FSD1L: variants seen among roughly 807,000 people sequenced by gnomAD.
FSD1L encodes FSD1-like protein.
Under a neutral mutation model 71.6 loss-of-function variants are expected in FSD1L, and 45 were observed. That is an observed-to-expected ratio of 0.63 (90% confidence interval 0.49 to 0.81). The LOEUF is 0.81. FSD1L is among the 30% of genes least tolerant of loss of function. The pLI is 0.00. For missense variants in FSD1L, 561 were observed against 618.1 expected (o/e 0.91, Z 0.98); for synonymous variants, 197 against 207.2 (o/e 0.95, Z 0.42).
intron 10 of FSD1L, chr9:105,521,966 A>G: frequency 6.2e-7 from 1 of 1,612,998 alleles, no homozygotes; most frequent in South Asian, 1.1e-5. Flanking sequence ...TGGTTGTACA[A>G]GTATCAATGG....
chr9:105,499,297 T>C (rs527345237), intron 7 of FSD1L, among the ~76,000 whole-genome samples: 1 of 152,336 alleles, frequency 6.6e-6, no homozygotes, highest in East Asian at 1.9e-4. Flanking sequence ...AAATAAATAG[T>C]TGCCCTTATT....
chr9:105,490,201 C>G (rs1023600344), intron 7 of FSD1L, among the ~76,000 whole-genome samples: 7 of 152,196 alleles, frequency 4.6e-5, no homozygotes, highest in African/African-American at 1.2e-4. Flanking sequence ...GCCATTCTAA[C>G]TGGTGTGAGA....
chr9:105,500,404 T>G (rs2131334400), intron 7 of FSD1L, among the ~76,000 whole-genome samples: 1 of 152,284 alleles, frequency 6.6e-6, no homozygotes, highest in South Asian at 2.1e-4. Context: ...GATTTTTCGG[T>G]GGAACAGGAT....
intron 13 of FSD1L, among the ~76,000 whole-genome samples, chr9:105,541,978 T>C (rs577215584): frequency 3.8e-4 from 58 of 152,344 alleles, no homozygotes; most frequent in African/African-American, 1.4e-3. Context: ...TGCTGAGTAG[T>C]GTTTCATATA....
intron 7 of FSD1L, among the ~76,000 whole-genome samples, chr9:105,489,399 T>A (rs1025949199): frequency 2.0e-5 from 3 of 152,124 alleles, no homozygotes; most frequent in Admixed American, 6.5e-5. Context: ...ACAAATTATA[T>A]TTAAAGAAAT....
intron 13 of FSD1L, among the ~76,000 whole-genome samples, 160 bp downstream of exon 13, chr9:105,539,511 T>A (rs1307821746): frequency 6.6e-6 from 1 of 152,172 alleles, no homozygotes; most frequent in African/African-American, 2.4e-5. Context: ...AATCTGTGAT[T>A]GTTTTTATAT....
intron 6 of FSD1L, among the ~76,000 whole-genome samples, chr9:105,482,508 A>G (rs1272338909): frequency 1.3e-5 from 2 of 152,254 alleles, no homozygotes; most frequent in Non-Finnish European, 2.9e-5. Flanking sequence ...TGAACTAAGA[A>G]AATCAAGGGG....
Position 105,539,314 on chromosome 9 carries a change from A to G in FSD1L, c.1430A>G (p.Lys477Arg). ...TCTAAACAGTTGCTATATTCCTTTA[A>G]GACAAAATTTACTCAGCCAGTACTA... Reference protein sequence around the residue: ...ANSKQLLYSFKTKFTQPVLPG... With the variant: ...ANSKQLLYSFRTKFTQPVLPG... The change falls in exon 13 of 14, where the codon AAG becomes AGG. Residue 477 changes from lysine (K) to arginine (R), a missense_variant. Coordinates refer to ENST00000481272, the MANE Select transcript of FSD1L (RefSeq NM_001145313.3). The G allele has an allele frequency of 6.6e-7, 1 of 1,508,368 alleles. No individual in the cohort carries two copies. The highest frequency in any genetic ancestry group is 1.2e-5 in the South Asian group (1 of 80,244). 93.4% of individuals were successfully genotyped at this position (1,508,368 alleles called of 1,614,324 possible).
the FSD1L span, among the ~76,000 whole-genome samples, chr9:105,442,739 TC>T: frequency 6.6e-6 from 1 of 151,946 alleles, no homozygotes; most frequent in South Asian, 2.1e-4. Context: ...AGTGCCTGAA[TC>T]CCCCTATGAA....
rs60907043 is a variant in FSD1L, at chr9:105,502,884, ATT to A, written c.587-3498_587-3497del. On this transcript the variant is annotated intron_variant, in intron 7 of 13. Coordinates refer to ENST00000481272, the MANE Select transcript of FSD1L (RefSeq NM_001145313.3). ...CGTCCAGAAGGAAAACTGTAATAAG[ATT>A]TTTTTTTTTTTTTTTTGAGACAAGG... 9.1e-4 allele frequency among the ~76,000 whole-genome samples: 123 copies of A among 135,092 alleles called. 1 individual carries two copies. The highest frequency in any genetic ancestry group is 1.7e-3 in the African/African-American group (62 of 36,532). The allele number at this position is 135,092 out of a possible 152,430, so 88.6% of individuals were successfully genotyped here.
intron 10 of FSD1L, chr9:105,520,085 C>T (rs1835033522): frequency 5.1e-6 from 8 of 1,569,138 alleles, no homozygotes; most frequent in East Asian, 2.3e-5. Context: ...CGCTGGGAGC[C>T]GGCTGTGGCA....
At chr9:105,486,879 A>G (rs187281121) in intron 7 of FSD1L, among the ~76,000 whole-genome samples, 24 of 152,296 alleles carry the variant, frequency 1.6e-4, no homozygotes, top group Admixed American at 1.4e-3. Flanking sequence ...CCTAGGAGCT[A>G]CCAACATTAA....
At position 105,546,381 on chromosome 9, in the gene FSD1L, G is replaced by A; in HGVS notation, c.1491G>A (p.Leu497=). ...AGGTATGGTGTGGTGGACTTTCTTT[G>A]AGTACTGGGATGCAGGTTCCAAGTG... is the stretch of plus-strand genomic sequence containing the variant. ...GFMVWCGGLS[L]STGMQVPSAV... The change falls in exon 14 of 14, where the codon TTG becomes TTA. Residue 497 remains leucine (L), a synonymous_variant. Transcript: ENST00000481272. 6.5e-7 allele frequency: 1 copy of A among 1,548,386 alleles called. No homozygotes were observed. Among genetic ancestry groups the A allele is most frequent in the Non-Finnish European group, 8.7e-7 (1 of 1,145,618 alleles).
At position 105,502,313 on chromosome 9, in the gene FSD1L, C is replaced by T. The variant is rs538233783; in HGVS notation, c.587-4086C>T. Among the ~76,000 whole-genome samples, 25 of 152,220 alleles carry T rather than the reference C, an allele frequency of 1.6e-4. No homozygotes were observed. In the South Asian group the frequency reaches 4.1e-3, roughly 25 times the overall value. ...AGCTATTGTTGTTACTACCATTATT[C>T]GTTTTTACTTTTCTATTTAACTTAG... On this transcript the variant is annotated intron_variant, in intron 7 of 13. Transcript: ENST00000481272.
intron 2 of FSD1L, among the ~76,000 whole-genome samples, chr9:105,462,938 G>T (rs1311046078): frequency 6.8e-6 from 1 of 147,502 alleles, no homozygotes; most frequent in Non-Finnish European, 1.5e-5. Context: ...AAGAGTTTGA[G>T]ACCAGCCTGG....
chr9:105,456,893 A>C (rs1052766391), intron 1 of FSD1L, among the ~76,000 whole-genome samples: 1 of 152,226 alleles, frequency 6.6e-6, no homozygotes, highest in Non-Finnish European at 1.5e-5. Context: ...GATAAGCTTC[A>C]GATAATTTAT....
intron 1 of FSD1L, among the ~76,000 whole-genome samples, chr9:105,453,730 A>T (rs1007443808): frequency 1.3e-5 from 2 of 152,002 alleles, no homozygotes; most frequent in African/African-American, 2.4e-5. Flanking sequence ...ACCTTTTTTT[A>T]AAAAAATTTT....
chr9:105,474,718 A>G (rs1427082630), intron 5 of FSD1L, among the ~76,000 whole-genome samples: 2 of 152,254 alleles, frequency 1.3e-5, no homozygotes, highest in African/African-American at 2.4e-5. Context: ...AGGACAAAAA[A>G]ATAGCATAGG....
Position 105,505,903 on chromosome 9 carries a change from C to G in FSD1L, c.587-496C>G, listed in dbSNP as rs538501027. ...TTAAAAAGCTATGAAATATGTCTTT[C>G]ATGGAAAAGAAATTAATGTTCATAC... On this transcript the variant is annotated intron_variant, in intron 7 of 13. Coordinates refer to ENST00000481272, the MANE Select transcript of FSD1L (RefSeq NM_001145313.3). Among the ~76,000 whole-genome samples the G allele has an allele frequency of 2.6e-4, 39 of 152,252 alleles. 1 individual carries two copies. The highest frequency in any genetic ancestry group is 1.9e-3 in the South Asian group (9 of 4,818).
Sources: allele counts gnomAD v4.1 joint callset (sites outside exome capture counted in the v4.1 genomes callset), GRCh38; gene constraint gnomAD v4.1.1; transcripts MANE v1.5; gene names NCBI Gene and HGNC (gene_info 2026-07-23, HGNC 2026-07-21).